Variants in NELL1 observed in about 807,000 individuals in gnomAD.
NELL1 encodes neural EGFL like 1.
NELL1 carries 76 observed loss-of-function variants against 107.4 expected under a neutral mutation model. The observed-to-expected ratio is 0.71, with a 90% CI of 0.59 to 0.86. The LOEUF is 0.86. Among genes scored for constraint, NELL1 ranks in the 40% least tolerant of loss-of-function variants. The probability of loss-of-function intolerance (pLI) is 0.00; values close to 1 mark genes in which losing one functional copy is unlikely to be tolerated. For synonymous variants in NELL1, 353 were observed against 341.2 expected (o/e 1.03, Z -0.38); for missense variants, 1,024 against 1,005.5 (o/e 1.02, Z -0.25).
intron 13 of NELL1, among the ~76,000 whole-genome samples, chr11:21,163,207 C>T (rs1217188724): frequency 2.0e-5 from 3 of 152,030 alleles, no homozygotes; most frequent in African/African-American, 7.2e-5. Flanking sequence ...AAGGGAGTGG[C>T]AGGAAATGAA....
chr11:21,403,158 A>G (rs1013063547), intron 15 of NELL1, among the ~76,000 whole-genome samples: 2 of 151,762 alleles, frequency 1.3e-5, no homozygotes, highest in Admixed American at 1.3e-4. Flanking sequence ...TTATAACCCT[A>G]TGCAGAGCCC....
intron 3 of NELL1, among the ~76,000 whole-genome samples, chr11:20,801,081 T>A (rs572598636): frequency 6.1e-4 from 93 of 152,334 alleles, no homozygotes; most frequent in Non-Finnish European, 1.1e-3. Flanking sequence ...AGTCCCTAGT[T>A]CTCTCAGTTG....
chr11:21,481,952 T>A (rs1259776352), intron 15 of NELL1, among the ~76,000 whole-genome samples: 2 of 152,164 alleles, frequency 1.3e-5, no homozygotes, highest in Admixed American at 1.3e-4. Context: ...AGAACCAGGT[T>A]TGAATTCAAT....
chr11:21,130,354 A>G lies in NELL1; in HGVS notation c.1426+16640A>G, dbSNP rs571077348. On this transcript the variant is annotated intron_variant, in intron 13 of 19. Coordinates refer to ENST00000357134, the MANE Select transcript of NELL1 (RefSeq NM_006157.5). ...CGATAGAAGTCTGGCTATGGGATCT[A>G]ATAAGGTTTTACTAATTTTTTTCTA... Among the ~76,000 whole-genome samples, 39 of 152,216 alleles carry G rather than the reference A, an allele frequency of 2.6e-4. No individual in the cohort carries two copies. In the South Asian group the frequency reaches 7.7e-3, roughly 30 times the overall value.
chr11:21,265,580 A>G (rs919502874), intron 14 of NELL1, among the ~76,000 whole-genome samples: 1 of 152,046 alleles, frequency 6.6e-6, no homozygotes, highest in East Asian at 1.9e-4. Context: ...TAGAAAAAAA[A>G]GTAAATAAAA....
At chr11:21,441,665 AAAAT>A (rs1416127984) in intron 15 of NELL1, among the ~76,000 whole-genome samples, 1 of 152,102 alleles carries the variant, frequency 6.6e-6, no homozygotes, top group Non-Finnish European at 1.5e-5. Context: ...AAAATTGAAA[AAAAT>A]GTATGTTGAG....
At chr11:21,236,879 A>G (rs1251819370) in intron 14 of NELL1, among the ~76,000 whole-genome samples, 3 of 152,286 alleles carry the variant, frequency 2.0e-5, no homozygotes, top group Admixed American at 2.0e-4. Context: ...AGCCACCTGG[A>G]AGAAACATAC....
chr11:21,524,116 T>C (rs1047355178), intron 15 of NELL1, among the ~76,000 whole-genome samples: 1 of 152,148 alleles, frequency 6.6e-6, no homozygotes. Context: ...TACAAGAGGC[T>C]GTATAGTATA....
chr11:20,785,082 A>G (rs1230498499), intron 3 of NELL1, among the ~76,000 whole-genome samples: 1 of 152,214 alleles, frequency 6.6e-6, no homozygotes, highest in Non-Finnish European at 1.5e-5. Context: ...AGGGTGTTAC[A>G]TCAAACAGAA....
At chr11:21,241,904 A>ATTTTTTTTTTTTTTTTTTTTCTTT (rs10652603) in intron 14 of NELL1, among the ~76,000 whole-genome samples, 2 of 134,148 alleles carry the variant, frequency 1.5e-5, no homozygotes, top group Non-Finnish European at 3.1e-5. Flanking sequence ...GTCTGTTTCT[A>ATTTTTTTTTTTTTTTTTTTTCTTT]TTTTTTTTTT....
intron 15 of NELL1, among the ~76,000 whole-genome samples, chr11:21,422,948 C>CTCA (rs1171409145): frequency 2.6e-5 from 4 of 151,978 alleles, no homozygotes; most frequent in Admixed American, 2.0e-4. Flanking sequence ...CTACAAGAGA[C>CTCA]TCATTATAGA....
At chr11:21,028,181 A>G (rs1260757420) in intron 12 of NELL1, among the ~76,000 whole-genome samples, 1 of 152,166 alleles carries the variant, frequency 6.6e-6, no homozygotes, top group Admixed American at 6.6e-5. Context: ...AGCACATAAG[A>G]TGTCCTTGTT....
chr11:21,177,942 T>C (rs1565097723), intron 13 of NELL1, among the ~76,000 whole-genome samples: 1 of 151,874 alleles, frequency 6.6e-6, no homozygotes, highest in Admixed American at 6.6e-5. Context: ...GCAGGTGCTT[T>C]GCTCATTTTA....
At chr11:21,287,376 T>A (rs1046809002) in intron 14 of NELL1, among the ~76,000 whole-genome samples, 2 of 152,226 alleles carry the variant, frequency 1.3e-5, no homozygotes, top group Non-Finnish European at 2.9e-5. Context: ...GCATCCAGCA[T>A]GATCTTTCTG....
intron 12 of NELL1, among the ~76,000 whole-genome samples, chr11:21,004,836 A>G (rs534703846): frequency 6.6e-6 from 1 of 152,232 alleles, no homozygotes; most frequent in African/African-American, 2.4e-5. Context: ...TATATTATTA[A>G]AAATAATTTT....
At chr11:21,327,649 C>A (rs1418719545) in intron 14 of NELL1, among the ~76,000 whole-genome samples, 1 of 152,134 alleles carries the variant, frequency 6.6e-6, no homozygotes, top group Non-Finnish European at 1.5e-5. Context: ...AACTGGGTAA[C>A]AGGAAGGGGT....
At chr11:21,167,296 TG>T (rs1856505980) in intron 13 of NELL1, among the ~76,000 whole-genome samples, 2 of 151,834 alleles carry the variant, frequency 1.3e-5, no homozygotes, top group African/African-American at 4.9e-5. Flanking sequence ...ACTCTTCTCC[TG>T]GAACAATTCA....
chr11:20,755,908 T>TTTTTTTTTTTTTTA (rs1856273955), intron 2 of NELL1, among the ~76,000 whole-genome samples: 1 of 114,896 alleles, frequency 8.7e-6, no homozygotes, highest in African/African-American at 4.0e-5. Flanking sequence ...TTTTTTTTTT[T>TTTTTTTTTTTTTTA]ATGAGACGGA....
chr11:20,762,644 G>A (rs149714596), intron 2 of NELL1, among the ~76,000 whole-genome samples: 224 of 152,284 alleles, frequency 1.5e-3, no homozygotes, highest in African/African-American at 4.7e-3. Context: ...GACTCCATGC[G>A]TATGGTGAAT....
Sources: gnomAD v4.1 joint callset for allele counts (sites outside exome capture counted in the v4.1 genomes callset) on GRCh38, gnomAD v4.1.1 for gene constraint, MANE v1.5 for transcripts, NCBI Gene and HGNC (gene_info 2026-07-23, HGNC 2026-07-21) for gene names.